Variants in HAO1 observed in about 807,000 individuals in gnomAD.
The protein encoded by HAO1 is hydroxyacid oxidase 1, also known as 2-Hydroxyacid oxidase 1.
In HAO1, 34 loss-of-function variants were observed where a neutral mutation model predicts 39.7. The ratio of observed to expected loss-of-function variants is 0.86; its 90% confidence interval spans 0.65 to 1.14. The LOEUF is 1.14. HAO1 is among the 50% of genes most tolerant of loss of function. HAO1 has a pLI of 0.00. For synonymous variants in HAO1, 172 were observed against 173.2 expected (o/e 0.99, Z 0.05); for missense variants, 479 against 464.5 (o/e 1.03, Z -0.29).
chr20:7,899,055 T>A, intron 4 of HAO1, among the ~76,000 whole-genome samples: 1 of 152,254 alleles, frequency 6.6e-6, no homozygotes. Context: ...TCTGCCACCA[T>A]GTAGCTACAA....
intron 5 of HAO1, among the ~76,000 whole-genome samples, chr20:7,892,019 T>A (rs1161431424): frequency 6.6e-6 from 1 of 152,188 alleles, no homozygotes; most frequent in Non-Finnish European, 1.5e-5. Flanking sequence ...ACAGTGTGTC[T>A]CTGGGAGCAA....
At chr20:7,930,042 C>A (rs2050378947) in intron 2 of HAO1, among the ~76,000 whole-genome samples, 1 of 152,010 alleles carries the variant, frequency 6.6e-6, no homozygotes, top group South Asian at 2.1e-4. Context: ...TTCTGGAGGC[C>A]CATTCTAATT....
At chr20:7,920,659 A>G (rs1241472395) in intron 2 of HAO1, among the ~76,000 whole-genome samples, 8 of 152,032 alleles carry the variant, frequency 5.3e-5, no homozygotes, top group Non-Finnish European at 1.2e-4. Flanking sequence ...GATTCCACAT[A>G]TAAGTAAGAT....
At chr20:7,919,681 G>T (rs1480065760) in intron 2 of HAO1, among the ~76,000 whole-genome samples, 1 of 152,134 alleles carries the variant, frequency 6.6e-6, no homozygotes, top group East Asian at 1.9e-4. Flanking sequence ...ATCTACTGGG[G>T]CAATGTTTCT....
intron 2 of HAO1, among the ~76,000 whole-genome samples, chr20:7,920,101 G>A (rs999190133): frequency 6.6e-6 from 1 of 152,066 alleles, no homozygotes; most frequent in Non-Finnish European, 1.5e-5. Context: ...TAATCCCCAT[G>A]TGTTGAGGGA....
At chr20:7,884,011 G>A (rs1046946107) in intron 7 of HAO1, among the ~76,000 whole-genome samples, 2 of 152,186 alleles carry the variant, frequency 1.3e-5, no homozygotes, top group African/African-American at 4.8e-5. Context: ...TGCAGACTGA[G>A]TACAGTAGTG....
chr20:7,922,018 T>C (rs556193052), intron 2 of HAO1, among the ~76,000 whole-genome samples: 4 of 152,220 alleles, frequency 2.6e-5, no homozygotes, highest in South Asian at 2.1e-4. Context: ...GGTCACTACC[T>C]AGGTGATGGA....
At chr20:7,888,532 GA>G (rs1465968458) in intron 5 of HAO1, among the ~76,000 whole-genome samples, 1 of 152,162 alleles carries the variant, frequency 6.6e-6, no homozygotes, top group Admixed American at 6.5e-5. Context: ...ACGCAAAAGA[GA>G]CAGAGTCCAA....
intron 2 of HAO1, among the ~76,000 whole-genome samples, chr20:7,915,525 C>G (rs1408002639): frequency 2.0e-5 from 3 of 152,166 alleles, no homozygotes; most frequent in African/African-American, 7.2e-5. Flanking sequence ...AACTTGCAAG[C>G]TTCCACAAAC....
chr20:7,921,973 A>G (rs1446419285), intron 2 of HAO1, among the ~76,000 whole-genome samples: 3 of 152,054 alleles, frequency 2.0e-5, no homozygotes, highest in East Asian at 3.9e-4. Flanking sequence ...TGGGAGGGGG[A>G]AAAGGGCTGA....
intron 3 of HAO1, among the ~76,000 whole-genome samples, chr20:7,913,076 A>AT (rs1332066532): frequency 6.6e-6 from 1 of 151,658 alleles, no homozygotes; most frequent in African/African-American, 2.4e-5. Context: ...GGATCTTTTC[A>AT]TTTTTTAATA....
chr20:7,902,958 G>T (rs1600109703), intron 4 of HAO1, among the ~76,000 whole-genome samples: 1 of 152,174 alleles, frequency 6.6e-6, no homozygotes, highest in South Asian at 2.1e-4. Context: ...GATCTTCACA[G>T]TTGCTCATGA....
chr20:7,907,743 C>T (rs2050255200), intron 3 of HAO1, among the ~76,000 whole-genome samples: 1 of 152,128 alleles, frequency 6.6e-6, no homozygotes, highest in African/African-American at 2.4e-5. Flanking sequence ...GCCTAATATC[C>T]TGGCTAGATT....
At chr20:7,900,920 C>T (rs1253489321) in intron 4 of HAO1, among the ~76,000 whole-genome samples, 1 of 152,180 alleles carries the variant, frequency 6.6e-6, no homozygotes. Flanking sequence ...AAAGCTACTA[C>T]TCTAGTGAAC....
intron 5 of HAO1, among the ~76,000 whole-genome samples, chr20:7,894,100 G>A (rs1405430733): frequency 6.6e-6 from 1 of 152,176 alleles, no homozygotes; most frequent in Non-Finnish European, 1.5e-5. Flanking sequence ...CAAGTGGACA[G>A]CACATAAGGG....
At chr20:7,928,154 C>G (rs981388413) in intron 2 of HAO1, among the ~76,000 whole-genome samples, 2 of 152,028 alleles carry the variant, frequency 1.3e-5, no homozygotes, top group African/African-American at 4.8e-5. Context: ...ATATCTTGTT[C>G]CTCTCCTATA....
At position 7,940,358 on chromosome 20, in the gene HAO1, G is replaced by T. The variant is rs1416217363; in HGVS notation, c.65C>A (p.Ser22Tyr). The change falls in exon 1 of 8, where the codon TCT (serine) becomes TAT (tyrosine). Residue 22 changes from serine (S) to tyrosine (Y), a missense_variant. Transcript: ENST00000378789. ...CCCAGACCTGTAATAGTCATATATA[G>T]ACTTTGGAAGTACTGATTTAGCATG... is the stretch of plus-strand genomic sequence containing the variant. ...EQHAKSVLPK[S>Y]IYDYYRSGAN... The T allele has an allele frequency of 1.2e-6, 2 of 1,611,544 alleles. No individual in the cohort carries two copies. Among genetic ancestry groups the T allele is most frequent in the Non-Finnish European group, 1.7e-6 (2 of 1,178,460 alleles).
At chr20:7,893,724 C>T (rs2050184370) in intron 5 of HAO1, among the ~76,000 whole-genome samples, 1 of 152,092 alleles carries the variant, frequency 6.6e-6, no homozygotes, top group African/African-American at 2.4e-5. Context: ...AACCCCTTCC[C>T]CACCAAATTA....
chr20:7,883,652 C>A lies in HAO1; in HGVS notation c.1054G>T (p.Val352Leu), dbSNP rs2050138215. Residue 352 changes from valine to leucine, a missense_variant, in exon 8 of 8, where the codon GTG becomes TTG. By Grantham distance (32) the Val-to-Leu change is conservative (BLOSUM62 1). Transcript: ENST00000378789. ...LAMALSGCQN[V>L]KVIDKTLVRK... ...ACCAATGTCTTGTCGATGACTTTCA[C>A]ATTCTGGCACCCTGAAAAAATAATG... 6.2e-7 allele frequency: 1 copy of A among 1,610,958 alleles called. No homozygotes were observed. The highest frequency in any genetic ancestry group is 2.2e-5 in the East Asian group (1 of 44,824).
Sources: allele counts gnomAD v4.1 joint callset (sites outside exome capture counted in the v4.1 genomes callset), GRCh38; gene constraint gnomAD v4.1.1; transcripts MANE v1.5; gene names NCBI Gene and HGNC (gene_info 2026-07-23, HGNC 2026-07-21).